Variants in CPQ observed in about 807,000 individuals in gnomAD.
The protein encoded by CPQ is carboxypeptidase Q.
In CPQ, 37 loss-of-function variants were observed where a neutral mutation model predicts 45.7. The ratio of observed to expected loss-of-function variants is 0.81; its 90% CI spans 0.62 to 1.07. CPQ has a LOEUF of 1.07. Ranked by LOEUF, CPQ falls within the 50% of genes least tolerant of loss-of-function variation. The pLI is 0.00. For missense variants in CPQ, 537 were observed against 572.9 expected, an observed-to-expected ratio of 0.94 and a Z score of 0.64; for synonymous variants, 186 against 205.8, an observed-to-expected ratio of 0.90 and a Z score of 0.82.
At chr8:96,778,558 G>A (rs1672144961) in intron 1 of CPQ, among the ~76,000 whole-genome samples, 1 of 152,054 alleles carries the variant, frequency 6.6e-6, no homozygotes, top group South Asian at 2.1e-4. Context: ...AAGTGCTACC[G>A]ATATACTCAG....
At chr8:97,094,122 T>C (rs1811174162) in intron 7 of CPQ, among the ~76,000 whole-genome samples, 2 of 152,164 alleles carry the variant, frequency 1.3e-5, no homozygotes, top group Admixed American at 1.3e-4. Context: ...AACAAAACTC[T>C]TTTCTGACAA....
chr8:97,137,798 A>T (rs1352587211), intron 7 of CPQ, among the ~76,000 whole-genome samples: 1 of 152,038 alleles, frequency 6.6e-6, no homozygotes, highest in East Asian at 1.9e-4. Flanking sequence ...GCGTGGTGGC[A>T]GGCGCCTGTA....
At chr8:96,898,625 G>A (rs1812473197) in intron 4 of CPQ, among the ~76,000 whole-genome samples, 1 of 128,480 alleles carries the variant, frequency 7.8e-6, no homozygotes, top group African/African-American at 2.9e-5. Flanking sequence ...GGGGACTGTG[G>A]TGGGGTCGGG....
chr8:96,695,561 C>A (rs571353980), intron 1 of CPQ, among the ~76,000 whole-genome samples: 1 of 152,206 alleles, frequency 6.6e-6, no homozygotes, highest in African/African-American at 2.4e-5. Context: ...GGCTAACATC[C>A]AGAATCTACA....
intron 7 of CPQ, among the ~76,000 whole-genome samples, chr8:97,136,762 C>A (rs1026870028): frequency 2.0e-5 from 3 of 152,210 alleles, no homozygotes; most frequent in African/African-American, 7.2e-5. Flanking sequence ...AGAATATTTG[C>A]CTTCAGAGCA....
intron 3 of CPQ, among the ~76,000 whole-genome samples, chr8:96,862,791 A>G (rs1333739807): frequency 6.6e-6 from 1 of 152,032 alleles, no homozygotes; most frequent in Non-Finnish European, 1.5e-5. Flanking sequence ...AAGTGTGCCT[A>G]TGTGACGATG....
intron 1 of CPQ, among the ~76,000 whole-genome samples, chr8:96,651,949 C>T (rs973569504): frequency 6.6e-5 from 10 of 151,974 alleles, no homozygotes; most frequent in Non-Finnish European, 1.3e-4. Context: ...ATAAACATAC[C>T]CATCACCTTA....
chr8:96,669,091 A>G (rs556654049), intron 1 of CPQ, among the ~76,000 whole-genome samples: 1 of 152,342 alleles, frequency 6.6e-6, no homozygotes, highest in East Asian at 1.9e-4. Context: ...CTGCCAGGGT[A>G]GGGTCAGAGA....
intron 4 of CPQ, among the ~76,000 whole-genome samples, chr8:96,931,358 G>A (rs138493905): frequency 0.011 from 1,649 of 152,254 alleles, 29 homozygotes; most frequent in African/African-American, 0.038. Context: ...ATGAAGTTTT[G>A]GTCCTATAGT....
At chr8:96,650,082 CTG>C (rs1418437685) in intron 1 of CPQ, among the ~76,000 whole-genome samples, 1 of 152,176 alleles carries the variant, frequency 6.6e-6, no homozygotes, top group Non-Finnish European at 1.5e-5. Context: ...TTCCAAATAA[CTG>C]TACTTCTTTA....
intron 6 of CPQ, among the ~76,000 whole-genome samples, chr8:97,043,834 A>G (rs1032849476): frequency 2.0e-5 from 3 of 152,142 alleles, no homozygotes; most frequent in African/African-American, 4.8e-5. Context: ...TGGCTTGTAG[A>G]GTTTCTGCCG....
chr8:96,790,467 G>T (rs1163290791), intron 2 of CPQ, among the ~76,000 whole-genome samples: 3 of 152,146 alleles, frequency 2.0e-5, no homozygotes, highest in Admixed American at 1.3e-4. Context: ...GTAGAGGAAT[G>T]GCACCTCAGT....
chr8:96,976,058 T>C (rs1813774612), intron 5 of CPQ, among the ~76,000 whole-genome samples: 1 of 152,004 alleles, frequency 6.6e-6, no homozygotes, highest in Non-Finnish European at 1.5e-5. Context: ...TGTCACTGTT[T>C]GCTGATGATA....
intron 1 of CPQ, among the ~76,000 whole-genome samples, chr8:96,750,192 G>C (rs1810240342): frequency 6.6e-6 from 1 of 151,560 alleles, no homozygotes. Flanking sequence ...TTGTCAATGA[G>C]AGATTTTTTT....
intron 5 of CPQ, among the ~76,000 whole-genome samples, chr8:97,021,423 C>T (rs1239478919): frequency 2.0e-5 from 3 of 150,978 alleles, no homozygotes; most frequent in Non-Finnish European, 4.5e-5. Flanking sequence ...GGGACTCCCG[C>T]TGTCTGCTGA....
intron 2 of CPQ, among the ~76,000 whole-genome samples, chr8:96,827,795 C>T (rs1380101409): frequency 2.0e-5 from 3 of 151,938 alleles, no homozygotes; most frequent in Non-Finnish European, 4.4e-5. Flanking sequence ...AGCATTCAAG[C>T]CAGGGTATAT....
At chr8:96,769,149 A>G (rs1810507877) in intron 1 of CPQ, among the ~76,000 whole-genome samples, 1 of 152,162 alleles carries the variant, frequency 6.6e-6, no homozygotes, top group Non-Finnish European at 1.5e-5. Context: ...ATAGCTTTTT[A>G]ATATTGCCAG....
Position 96,685,136 on chromosome 8 carries a change from C to CA in CPQ, c.-35+39740dup, listed in dbSNP as rs1554614017. Among the ~76,000 whole-genome samples the CA allele has an allele frequency of 2.3e-3, 352 of 149,924 alleles. 6 individuals carry two copies. Among genetic ancestry groups the CA allele is most frequent in the Admixed American group, 0.013 (197 of 15,098 alleles). On this transcript the variant is annotated intron_variant, in intron 1 of 7. Transcript: ENST00000220763. ...AAACAAACAACAAAAAAACAAAAAA[C>CA]AAAAAACAGAGTTAGCTCAGTGTTT...
At chr8:96,958,448 A>G (rs1299279854) in intron 4 of CPQ, among the ~76,000 whole-genome samples, 1 of 108,450 alleles carries the variant, frequency 9.2e-6, no homozygotes, top group Non-Finnish European at 1.7e-5. Flanking sequence ...TGGTTCTTCT[A>G]CTTAAGATCA....
Sources: gnomAD v4.1 joint callset for allele counts (sites outside exome capture counted in the v4.1 genomes callset) on GRCh38, gnomAD v4.1.1 for gene constraint, MANE v1.5 for transcripts, NCBI Gene and HGNC (gene_info 2026-07-23, HGNC 2026-07-21) for gene names.